Variants in DLG1 observed in about 807,000 individuals in gnomAD.
DLG1 encodes disks large homolog 1.
DLG1 carries 42 observed loss-of-function variants against 123.4 expected under a neutral mutation model. The observed-to-expected ratio is 0.34, with a 90% confidence interval of 0.27 to 0.44. DLG1 has a LOEUF of 0.44. DLG1 is among the 20% of genes least tolerant of loss of function. The pLI, the probability that DLG1 is intolerant of heterozygous loss-of-function variation, is 1.00. For synonymous variants in DLG1, 317 were observed against 356.2 expected, an observed-to-expected ratio of 0.89 and a Z score of 1.24; for missense variants, 942 against 1,082.6, an observed-to-expected ratio of 0.87 and a Z score of 1.82.
At chr3:197,143,779 C>T (rs1789278431) in intron 6 of DLG1, among the ~76,000 whole-genome samples, 1 of 152,194 alleles carries the variant, frequency 6.6e-6, no homozygotes, top group South Asian at 2.1e-4. Flanking sequence ...TTTTCCACTT[C>T]GACATCTGGA....
chr3:197,094,667 T>G (rs1759627576), intron 14 of DLG1, among the ~76,000 whole-genome samples: 1 of 152,200 alleles, frequency 6.6e-6, no homozygotes, highest in Admixed American at 6.5e-5. Context: ...CCAGTCCTTA[T>G]GTCAGTATCT....
chr3:197,088,926 T>C (rs187178369), intron 15 of DLG1, among the ~76,000 whole-genome samples: 1 of 152,210 alleles, frequency 6.6e-6, no homozygotes, highest in Non-Finnish European at 1.5e-5. Flanking sequence ...GTAAATGCTA[T>C]TAGTTTTATT....
chr3:197,107,534 G>A lies in DLG1; in HGVS notation c.1444-2529C>T, dbSNP rs189355417. Among the ~76,000 whole-genome samples, 775 of 151,504 alleles carry A rather than the reference G, an allele frequency of 5.1e-3. 6 individuals carry two copies. Among genetic ancestry groups the A allele is most frequent in the African/African-American group, 0.018 (730 of 41,242 alleles). ...CACTCCAGCCTGGGCGACAGAGCAA[G>A]ACTCTGTCTCAAGAACAAAAAACAA... On this transcript the variant is annotated intron_variant, in intron 13 of 24. Coordinates refer to ENST00000667157, the MANE Select transcript of DLG1 (RefSeq NM_001366207.1).
chr3:197,093,675 C>A (rs1273056568), intron 14 of DLG1, among the ~76,000 whole-genome samples: 2 of 151,978 alleles, frequency 1.3e-5, no homozygotes, highest in Non-Finnish European at 2.9e-5. Flanking sequence ...CATTAGCAAG[C>A]CTGAAAATTG....
At chr3:197,288,321 A>C (rs1446396723) in intron 3 of DLG1, among the ~76,000 whole-genome samples, 2 of 134,352 alleles carry the variant, frequency 1.5e-5, no homozygotes, top group African/African-American at 5.5e-5. Context: ...CCGAGATTGC[A>C]CCACTACACT....
At chr3:197,297,447 G>A (rs887376621) in intron 1 of DLG1, 31 of 1,381,188 alleles carry the variant, frequency 2.2e-5, no homozygotes, top group Non-Finnish European at 2.9e-5. Context: ...AGAACAGACA[G>A]AAGTCGGCTT....
At chr3:197,219,510 G>A (rs1293873631) in intron 4 of DLG1, among the ~76,000 whole-genome samples, 1 of 152,158 alleles carries the variant, frequency 6.6e-6, no homozygotes, top group East Asian at 1.9e-4. Context: ...TCAACTTAAA[G>A]CCCTGGCTCT....
intron 24 of DLG1, among the ~76,000 whole-genome samples, chr3:197,049,821 G>A (rs1356849198): frequency 6.6e-6 from 1 of 152,190 alleles, no homozygotes; most frequent in Non-Finnish European, 1.5e-5. Flanking sequence ...CAAGCACTCT[G>A]GGAGGCCGAG....
chr3:197,241,389 C>CA (rs1218537216), intron 4 of DLG1, among the ~76,000 whole-genome samples: 11 of 150,012 alleles, frequency 7.3e-5, no homozygotes, highest in Admixed American at 7.3e-4. Flanking sequence ...ACTCATATTA[C>CA]AAAAAAAATG....
chr3:197,232,480 C>T (rs1743710583), intron 4 of DLG1, among the ~76,000 whole-genome samples: 1 of 151,642 alleles, frequency 6.6e-6, no homozygotes, highest in South Asian at 2.1e-4. Context: ...AGGTTTATAG[C>T]TCTATGCTTA....
At chr3:197,257,922 C>A (rs1385459446) in intron 4 of DLG1, among the ~76,000 whole-genome samples, 1 of 152,148 alleles carries the variant, frequency 6.6e-6, no homozygotes, top group Non-Finnish European at 1.5e-5. Flanking sequence ...ATATTAACTC[C>A]ACCTCAACGG....
intron 4 of DLG1, among the ~76,000 whole-genome samples, chr3:197,255,189 T>A (rs1756270721): frequency 6.6e-6 from 1 of 152,152 alleles, no homozygotes; most frequent in African/African-American, 2.4e-5. Context: ...CCCACACATC[T>A]CTAATCCCTC....
intron 1 of DLG1, chr3:197,297,995 G>C: frequency 1.1e-6 from 1 of 909,462 alleles, no homozygotes; most frequent in Non-Finnish European, 1.3e-6. Flanking sequence ...CTTCTCGGCC[G>C]CGCCGCCTCC....
intron 5 of DLG1, among the ~76,000 whole-genome samples, chr3:197,153,029 T>C (rs548357394): frequency 1.6e-4 from 24 of 152,328 alleles, no homozygotes; most frequent in African/African-American, 5.5e-4. Context: ...CTTCTCAGCA[T>C]TGATCAAAGT....
Position 197,282,672 on chromosome 3 carries a change from A to T in DLG1, c.318+7T>A. 1 of 1,518,142 alleles carries T rather than the reference A, an allele frequency of 6.6e-7. No individual in the cohort carries two copies. 94.0% of individuals were successfully genotyped at this position (1,518,142 alleles called of 1,614,324 possible). A position where few individuals can be genotyped will look rare whatever the true frequency, so the allele number is the denominator to read the frequency against. On this transcript the variant is annotated splice_region_variant and intron_variant, in intron 4 of 24. Coordinates refer to ENST00000667157, the MANE Select transcript of DLG1 (RefSeq NM_001366207.1). The stretch of plus-strand genomic sequence containing the variant: ...AAAACAGCTTCAGAACACATTTTTT[A>T]TCTCACCTCTACACTAGGGCTAAGG...
intron 5 of DLG1, among the ~76,000 whole-genome samples, chr3:197,170,476 T>G (rs1206597184): frequency 2.0e-5 from 3 of 152,222 alleles, no homozygotes; most frequent in Non-Finnish European, 4.4e-5. Context: ...TGGTATCTCG[T>G]GGCTTTGATT....
chr3:197,191,939 G>GT (rs1719828192), intron 5 of DLG1, among the ~76,000 whole-genome samples: 2 of 152,162 alleles, frequency 1.3e-5, no homozygotes, highest in Non-Finnish European at 2.9e-5. Flanking sequence ...ACTTTGGGAG[G>GT]TCAAGGGAAG....
At chr3:197,048,242 G>A (rs923358375) in intron 24 of DLG1, among the ~76,000 whole-genome samples, 3 of 152,168 alleles carry the variant, frequency 2.0e-5, no homozygotes, top group African/African-American at 2.4e-5. Context: ...AGGCTGAGAC[G>A]GGCAGATCAC....
At chr3:197,198,993 A>G (rs1724148997) in intron 4 of DLG1, among the ~76,000 whole-genome samples, 1 of 152,226 alleles carries the variant, frequency 6.6e-6, no homozygotes, top group Non-Finnish European at 1.5e-5. Context: ...TAGTGGTGGT[A>G]GGTGCACAAC....
Sources: allele counts gnomAD v4.1 joint callset (sites outside exome capture counted in the v4.1 genomes callset), GRCh38; gene constraint gnomAD v4.1.1; transcripts MANE v1.5; gene names NCBI Gene and HGNC (gene_info 2026-07-23, HGNC 2026-07-21).